Variants in GABRG1 observed in about 807,000 individuals in gnomAD.
GABRG1 encodes gamma-aminobutyric acid type A receptor subunit gamma1, also known as gamma-aminobutyric acid receptor subunit gamma-1.
A neutral mutation model predicts 49.8 loss-of-function variants in GABRG1; 49 were observed. That is an observed-to-expected ratio of 0.98 (90% confidence interval 0.78 to 1.25). GABRG1 has a LOEUF of 1.25. Ranked by LOEUF, GABRG1 falls within the 50% of genes most tolerant of loss-of-function variation. GABRG1 has a pLI of 0.00. For missense variants in GABRG1, 552 were observed against 552.3 expected (o/e 1.00, Z 0.01); for synonymous variants, 232 against 185.1 (o/e 1.25, Z -2.06).
At chr4:46,077,630 T>G (rs1381555262) in intron 3 of GABRG1, among the ~76,000 whole-genome samples, 4 of 151,982 alleles carry the variant, frequency 2.6e-5, no homozygotes, top group Non-Finnish European at 4.4e-5. Flanking sequence ...GAATTTTTTT[T>G]GCCTTTTCCC....
At chr4:46,086,410 T>C (rs1719755238) in intron 2 of GABRG1, among the ~76,000 whole-genome samples, 1 of 151,622 alleles carries the variant, frequency 6.6e-6, no homozygotes, top group Non-Finnish European at 1.5e-5. Flanking sequence ...ATTTTAAAAA[T>C]CTTTTCTTTA....
intron 1 of GABRG1, among the ~76,000 whole-genome samples, chr4:46,109,631 C>T (rs1164472266): frequency 6.6e-6 from 1 of 150,990 alleles, no homozygotes; most frequent in Non-Finnish European, 1.5e-5. Context: ...ATTATTTTAA[C>T]CTTTTCAGGC....
rs1717768274 is a variant in GABRG1 at position 46,041,212 on chromosome 4, TC to T, written c.1173del (p.Met391IlefsTer89). On this transcript the variant is annotated frameshift_variant, in exon 9 of 9. Coordinates refer to ENST00000295452, the MANE Select transcript of GABRG1 (RefSeq NM_173536.4). LOFTEE classifies it high-confidence loss of function. ...GLHPGSTLIP[M>X]NNISVPQEDD... Reference sequence around the variant, plus strand: ...TCTTCTTGCGGCACAGAAATATTATTCATTGGAATCAGAGTGGATCCAGGAT... The same window carrying T: ...TCTTCTTGCGGCACAGAAATATTATTATTGGAATCAGAGTGGATCCAGGAT... 3.7e-6 allele frequency: 6 copies of T among 1,612,666 alleles called. No individual in the cohort carries two copies. Among genetic ancestry groups the T allele is most frequent in the African/African-American group, 1.3e-5 (1 of 74,848 alleles).
chr4:46,036,418 G>A lies in GABRG1; in HGVS notation c.*4570C>T, dbSNP rs1717528193. 1 of 151,818 alleles carries A rather than the reference G, an allele frequency of 6.6e-6. No individual in the cohort carries two copies. The highest frequency in any genetic ancestry group is 2.1e-4 in the South Asian group (1 of 4,820). The allele number at this position is 151,818 out of a possible 1,614,324, so 9.4% of individuals were successfully genotyped here. On this transcript the variant is annotated 3_prime_UTR_variant, in exon 9 of 9. Coordinates refer to ENST00000295452, the MANE Select transcript of GABRG1 (RefSeq NM_173536.4). ...TAAGAATCTAGACAGATCACTTTAG[G>A]ATTTACATTTCAGATTATTTTTTTC...
chr4:46,103,141 C>G (rs1720435915), intron 1 of GABRG1, among the ~76,000 whole-genome samples: 1 of 151,418 alleles, frequency 6.6e-6, no homozygotes, highest in South Asian at 2.1e-4. Context: ...GGAGCTTCTT[C>G]CATTAATCTG....
At chr4:46,053,212 T>C (rs1718303376) in intron 7 of GABRG1, among the ~76,000 whole-genome samples, 1 of 151,154 alleles carries the variant, frequency 6.6e-6, no homozygotes, top group African/African-American at 2.4e-5. Context: ...ATTTACTTCC[T>C]TTTTTGTTAG....
intron 3 of GABRG1, among the ~76,000 whole-genome samples, chr4:46,070,238 T>G (rs975910173): frequency 6.6e-6 from 1 of 152,078 alleles, no homozygotes; most frequent in African/African-American, 2.4e-5. Context: ...TAGCACTTCA[T>G]GTGTTAATTT....
At chr4:46,046,927 T>C (rs1374148313) in intron 8 of GABRG1, among the ~76,000 whole-genome samples, 4 of 152,134 alleles carry the variant, frequency 2.6e-5, no homozygotes, top group Non-Finnish European at 5.9e-5. Flanking sequence ...TGTAAATTCT[T>C]AGCATGACTT....
chr4:46,056,260 C>A (rs188442025), intron 7 of GABRG1, among the ~76,000 whole-genome samples: 5 of 151,548 alleles, frequency 3.3e-5, no homozygotes, highest in Admixed American at 3.3e-4. Flanking sequence ...ACTATTGGCC[C>A]CTTCTCCAAA....
intron 1 of GABRG1, among the ~76,000 whole-genome samples, chr4:46,116,954 A>G (rs948617681): frequency 1.3e-5 from 2 of 150,536 alleles, no homozygotes; most frequent in African/African-American, 4.8e-5. Context: ...ACGTGCTGGA[A>G]AATTAATATT....
chr4:46,044,370 A>G (rs1253989785), intron 8 of GABRG1, among the ~76,000 whole-genome samples: 2 of 151,762 alleles, frequency 1.3e-5, no homozygotes, highest in African/African-American at 4.9e-5. Context: ...AATCCCAGCT[A>G]TTTGGGAGGC....
At chr4:46,056,099 T>A (rs1436359522) in intron 7 of GABRG1, among the ~76,000 whole-genome samples, 2 of 11,992 alleles carry the variant, frequency 1.7e-4, no homozygotes, top group Non-Finnish European at 2.9e-4. Context: ...AAACTTAGAG[T>A]ATAATAAAAA....
chr4:46,065,889 A>G (rs1718900096), intron 3 of GABRG1, among the ~76,000 whole-genome samples: 1 of 151,902 alleles, frequency 6.6e-6, no homozygotes, highest in Non-Finnish European at 1.5e-5. Context: ...CGCCTGGCTA[A>G]TTTTTTGTAT....
At chr4:46,097,873 G>A (rs1374590616) in intron 1 of GABRG1, among the ~76,000 whole-genome samples, 2 of 151,666 alleles carry the variant, frequency 1.3e-5, no homozygotes, top group Non-Finnish European at 3.0e-5. Flanking sequence ...ACATACTGTT[G>A]CTCATTTCTT....
intron 2 of GABRG1, among the ~76,000 whole-genome samples, chr4:46,087,108 G>GT (rs1719796738): frequency 6.6e-6 from 1 of 151,516 alleles, no homozygotes. Context: ...TCCCTGGCTG[G>GT]TTTAGTTATC....
chr4:46,061,997 C>G (rs560574794), intron 5 of GABRG1, among the ~76,000 whole-genome samples: 19 of 149,750 alleles, frequency 1.3e-4, no homozygotes, highest in African/African-American at 4.4e-4. Flanking sequence ...TTTAGCATTA[C>G]GTATATCTCC....
At chr4:46,064,549 A>C (rs753416531) in intron 4 of GABRG1, 26 bp from the exon 5 acceptor site, 1 of 1,129,680 alleles carries the variant, frequency 8.9e-7, no homozygotes, top group Non-Finnish European at 1.2e-6. Context: ...GAAAAGTATT[A>C]AATAAAGATA....
At chr4:46,114,869 A>G (rs1234387187) in intron 1 of GABRG1, among the ~76,000 whole-genome samples, 2 of 151,016 alleles carry the variant, frequency 1.3e-5, no homozygotes, top group African/African-American at 4.8e-5. Context: ...TCATTTGACA[A>G]TGACAACATA....
At chr4:46,062,027 T>A (rs1389258263) in intron 5 of GABRG1, among the ~76,000 whole-genome samples, 4 of 59,168 alleles carry the variant, frequency 6.8e-5, no homozygotes, top group Non-Finnish European at 6.1e-5. Context: ...CCCTCCCCCC[T>A]CCCCCCACCC....
Sources: gnomAD v4.1 joint callset for allele counts (sites outside exome capture counted in the v4.1 genomes callset) on GRCh38, gnomAD v4.1.1 for gene constraint, MANE v1.5 for transcripts, NCBI Gene and HGNC (gene_info 2026-07-23, HGNC 2026-07-21) for gene names.